Variants in PTPN2 observed in about 807,000 individuals in gnomAD.
PTPN2 encodes the protein protein tyrosine phosphatase non-receptor type 2, also known as tyrosine-protein phosphatase non-receptor type 2.
Under a neutral mutation model 57.3 loss-of-function variants are expected in PTPN2, and 19 were observed. The ratio of observed to expected loss-of-function variants is 0.33; its 90% CI spans 0.23 to 0.49. PTPN2 has a LOEUF of 0.49. Among genes scored for constraint, PTPN2 ranks in the 20% least tolerant of loss-of-function variants. The pLI is 0.99. For missense variants in PTPN2, 358 were observed against 501.1 expected, an observed-to-expected ratio of 0.71 and a Z score of 2.73; for synonymous variants, 153 against 164.9, an observed-to-expected ratio of 0.93 and a Z score of 0.55.
chr18:12,878,557 C>A (rs947032081), intron 1 of PTPN2, among the ~76,000 whole-genome samples: 6 of 151,780 alleles, frequency 4.0e-5, no homozygotes, highest in Admixed American at 2.0e-4. Flanking sequence ...GTAATCCCAG[C>A]TACTCGGGAG....
At chr18:12,883,938 G>T (rs2044762416) in intron 1 of PTPN2, 135 bp downstream of exon 1, 2 of 668,718 alleles carry the variant, frequency 3.0e-6, no homozygotes, top group Admixed American at 3.4e-5. Context: ...CCCCTGACGC[G>T]GACCGCGCCG....
chr18:12,861,936 CACAAT>C (rs1471381600), intron 1 of PTPN2: 1 of 152,154 alleles, frequency 6.6e-6, no homozygotes, highest in Non-Finnish European at 1.5e-5. Context: ...ATTTACAAAA[CACAAT>C]ACAACAGCCA....
chr18:12,810,675 G>A (rs1287842171), intron 7 of PTPN2, among the ~76,000 whole-genome samples: 3 of 152,326 alleles, frequency 2.0e-5, no homozygotes, highest in Non-Finnish European at 2.9e-5. Context: ...AGTTTGTTGT[G>A]TTTGGAGAAC....
intron 4 of PTPN2, among the ~76,000 whole-genome samples, chr18:12,828,741 G>A (rs761013085): frequency 6.6e-6 from 1 of 152,106 alleles, no homozygotes. Context: ...TAAAAACAAT[G>A]ACCAGTCCAG....
At chr18:12,856,604 C>T (rs1227431384) in intron 2 of PTPN2, among the ~76,000 whole-genome samples, 2 of 152,090 alleles carry the variant, frequency 1.3e-5, no homozygotes, top group African/African-American at 2.4e-5. Context: ...GGCCTGATAA[C>T]GCATATTTTA....
intron 1 of PTPN2, among the ~76,000 whole-genome samples, chr18:12,868,109 G>A (rs2044054095): frequency 6.6e-6 from 1 of 152,172 alleles, no homozygotes; most frequent in South Asian, 2.1e-4. Flanking sequence ...TAATCACAAA[G>A]GCTTGTTCTT....
At chr18:12,874,584 TG>T (rs1340413840) in intron 1 of PTPN2, among the ~76,000 whole-genome samples, 1,134 of 79,292 alleles carry the variant, frequency 0.014, 7 homozygotes, top group Non-Finnish European at 0.022. Flanking sequence ...GGGAGGGAGG[TG>T]GGGGGTTCAG....
chr18:12,848,438 T>C (rs186907005), intron 2 of PTPN2, among the ~76,000 whole-genome samples: 1 of 152,330 alleles, frequency 6.6e-6, no homozygotes, highest in African/African-American at 2.4e-5. Context: ...TGCATGGCCT[T>C]AGTGAGTTAC....
intron 1 of PTPN2, among the ~76,000 whole-genome samples, chr18:12,866,372 G>A (rs1046974099): frequency 6.6e-6 from 1 of 151,634 alleles, no homozygotes; most frequent in Non-Finnish European, 1.5e-5. Context: ...CAGGAGGCGG[G>A]GCTTGCAGTG....
intron 7 of PTPN2, among the ~76,000 whole-genome samples, chr18:12,807,524 C>A: frequency 8.4e-6 from 1 of 119,624 alleles, no homozygotes; most frequent in African/African-American, 3.1e-5. Flanking sequence ...GATACGGAAT[C>A]AACCTAAATG....
chr18:12,858,587 TAAG>T (rs1039038909), intron 2 of PTPN2, among the ~76,000 whole-genome samples: 56 of 152,196 alleles, frequency 3.7e-4, no homozygotes, highest in African/African-American at 1.4e-3. Flanking sequence ...AATGTACTGC[TAAG>T]AAAAGAGCTA....
chr18:12,873,861 GC>G (rs1385939628), intron 1 of PTPN2, among the ~76,000 whole-genome samples: 1 of 152,072 alleles, frequency 6.6e-6, no homozygotes, highest in East Asian at 1.9e-4. Context: ...CTGCCCGGCT[GC>G]CCATCGTCTG....
chr18:12,820,295 G>A (rs749319319), intron 5 of PTPN2, among the ~76,000 whole-genome samples: 2 of 151,774 alleles, frequency 1.3e-5, no homozygotes, highest in Admixed American at 6.6e-5. Flanking sequence ...TTTTTGAGAG[G>A]TTAACTTTGA....
chr18:12,848,045 C>G (rs2043274087), intron 2 of PTPN2, among the ~76,000 whole-genome samples: 1 of 151,928 alleles, frequency 6.6e-6, no homozygotes, highest in African/African-American at 2.4e-5. Context: ...TCTTTATTTT[C>G]AAACTTTAAT....
chr18:12,873,557 C>T (rs1221870237), intron 1 of PTPN2, among the ~76,000 whole-genome samples: 1 of 152,222 alleles, frequency 6.6e-6, no homozygotes, highest in African/African-American at 2.4e-5. Flanking sequence ...CCGGAGGTGC[C>T]GGGATTGCAG....
At chr18:12,791,903 G>A (rs747383867), downstream of PTPN2, among the ~76,000 whole-genome samples, 7 of 152,234 alleles carry the variant, frequency 4.6e-5, no homozygotes, top group Non-Finnish European at 8.8e-5. Context: ...AGCAAGCCTA[G>A]TTTCAACTGG....
chr18:12,846,546 A>C (rs992648297), intron 2 of PTPN2, among the ~76,000 whole-genome samples: 1 of 152,140 alleles, frequency 6.6e-6, no homozygotes, highest in African/African-American at 2.4e-5. Context: ...CATCCTTCTG[A>C]TATGTCTTCA....
intron 1 of PTPN2, chr18:12,863,944 AT>A (rs1197412317): frequency 2.6e-5 from 4 of 152,218 alleles, no homozygotes; most frequent in African/African-American, 7.2e-5. Context: ...TAGCACAAAG[AT>A]ATCTTTCACA....
rs1281586471 is a variant in PTPN2 at position 12,793,490 on chromosome 18, C to G, written c.*788G>C. ...CTTGACCAACTGTTTACCTGACTAT[C>G]CCAGTAAGGAGAATTTTCCTTCAAA... On this transcript the variant is annotated 3_prime_UTR_variant, in exon 9 of 9. Transcript: ENST00000309660. 1 of 978,510 alleles carries G rather than the reference C, an allele frequency of 1.0e-6. No individual in the cohort carries two copies. The highest frequency in any genetic ancestry group is 1.7e-5 in the African/African-American group (1 of 57,196). 60.6% of individuals were successfully genotyped at this position (978,510 alleles called of 1,614,324 possible).
Sources: allele counts gnomAD v4.1 joint callset (sites outside exome capture counted in the v4.1 genomes callset), GRCh38; gene constraint gnomAD v4.1.1; transcripts MANE v1.5; gene names NCBI Gene and HGNC (gene_info 2026-07-23, HGNC 2026-07-21).